SUGCT: variants seen among roughly 807,000 people sequenced by gnomAD.
The protein encoded by SUGCT is succinyl-CoA:glutarate-CoA transferase, also known as succinyl-CoA:glutarate CoA-transferase.
Under a neutral mutation model 55.0 loss-of-function variants are expected in SUGCT, and 41 were observed. The observed-to-expected ratio is 0.74, with a 90% CI of 0.58 to 0.97. The LOEUF is 0.97. SUGCT is among the 50% of genes least tolerant of loss of function. The probability of loss-of-function intolerance (pLI) is 0.00; values close to 1 mark genes in which losing one functional copy is unlikely to be tolerated. For missense variants in SUGCT, 568 were observed against 547.8 expected (o/e 1.04, Z -0.37); for synonymous variants, 187 against 200.4 (o/e 0.93, Z 0.56).
intron 8 of SUGCT, among the ~76,000 whole-genome samples, chr7:40,285,087 GA>G (rs1793231920): frequency 6.6e-6 from 1 of 151,956 alleles, no homozygotes; most frequent in African/African-American, 2.4e-5. Context: ...TATCCCAAAG[GA>G]AAAAAGAATA....
At chr7:40,806,035 A>G (rs2128753347) in intron 13 of SUGCT, among the ~76,000 whole-genome samples, 1 of 152,326 alleles carries the variant, frequency 6.6e-6, no homozygotes, top group South Asian at 2.1e-4. Flanking sequence ...ATACTTTCAA[A>G]TCCTCAAATA....
the SUGCT span, among the ~76,000 whole-genome samples, chr7:40,903,241 T>C: frequency 2.0e-5 from 3 of 152,264 alleles, no homozygotes; most frequent in Admixed American, 2.0e-4. Context: ...TGAAGGGCTG[T>C]GCAGCTGGAC....
intron 12 of SUGCT, among the ~76,000 whole-genome samples, chr7:40,498,460 C>T (rs1414525108): frequency 6.6e-6 from 1 of 152,180 alleles, no homozygotes; most frequent in Non-Finnish European, 1.5e-5. Context: ...CCTCTGCAGT[C>T]CCCCCTCCCC....
rs1266226235 is a variant in SUGCT, at chr7:40,550,523, G to A, written c.1089+54137G>A. Reference sequence around the variant, plus strand: ...ACTGTTTATGCCTGCTTGGGTAGAGGAGAGCAACCACACATTGAAGCATTT... The same window carrying A: ...ACTGTTTATGCCTGCTTGGGTAGAGAAGAGCAACCACACATTGAAGCATTT... On this transcript the variant is annotated intron_variant, in intron 12 of 13. Coordinates refer to ENST00000335693, the MANE Select transcript of SUGCT (RefSeq NM_001193313.2). 3.3e-5 allele frequency among the ~76,000 whole-genome samples: 5 copies of A among 152,158 alleles called. No individual in the cohort carries two copies. The East Asian group carries it at 9.7e-4, about 29-fold the overall frequency.
intron 9 of SUGCT, among the ~76,000 whole-genome samples, chr7:40,333,574 T>C: frequency 7.7e-6 from 1 of 129,428 alleles, no homozygotes. Context: ...GAGGTGGAGG[T>C]TGTAGTGAGC....
intron 3 of SUGCT, among the ~76,000 whole-genome samples, chr7:40,182,272 T>C (rs1785254467): frequency 6.6e-6 from 1 of 152,144 alleles, no homozygotes; most frequent in Admixed American, 6.6e-5. Flanking sequence ...TGAAGGCTTT[T>C]GTTAGAAGCT....
chr7:40,395,135 G>T (rs1199919105), intron 9 of SUGCT, among the ~76,000 whole-genome samples: 2 of 152,076 alleles, frequency 1.3e-5, no homozygotes, highest in Non-Finnish European at 2.9e-5. Flanking sequence ...CTGGATCCTT[G>T]CTGCTACCCA....
At chr7:40,376,283 G>A (rs997630538) in intron 9 of SUGCT, among the ~76,000 whole-genome samples, 5 of 151,766 alleles carry the variant, frequency 3.3e-5, no homozygotes, top group African/African-American at 1.2e-4. Flanking sequence ...TAGCATTAAT[G>A]TATTTATCTT....
chr7:40,447,836 G>A (rs1223811565), intron 9 of SUGCT, among the ~76,000 whole-genome samples: 1 of 152,078 alleles, frequency 6.6e-6, no homozygotes, highest in African/African-American at 2.4e-5. Context: ...GAAAAAGTAG[G>A]TGGAGATACA....
intron 8 of SUGCT, 70 bp from the exon 9 acceptor site, chr7:40,316,690 A>G: frequency 2.0e-6 from 2 of 1,008,474 alleles, no homozygotes; most frequent in South Asian, 3.2e-5. Flanking sequence ...CTTTCATAAT[A>G]TAACGTTCTC....
chr7:40,632,279 C>T (rs1799823666), intron 12 of SUGCT, among the ~76,000 whole-genome samples: 1 of 151,870 alleles, frequency 6.6e-6, no homozygotes, highest in Non-Finnish European at 1.5e-5. Flanking sequence ...AGCTGCTGGC[C>T]TTTTGCTGGA....
At chr7:40,327,155 T>G (rs1224505520) in intron 9 of SUGCT, among the ~76,000 whole-genome samples, 1 of 152,240 alleles carries the variant, frequency 6.6e-6, no homozygotes, top group Non-Finnish European at 1.5e-5. Context: ...CCCCAGCCCC[T>G]TTAGTTCTAA....
the SUGCT span, among the ~76,000 whole-genome samples, chr7:40,929,078 C>T: frequency 6.6e-6 from 1 of 151,970 alleles, no homozygotes; most frequent in South Asian, 2.1e-4. Context: ...TGCTATCCTT[C>T]CCCCAGCCCG....
At chr7:40,439,971 G>A (rs1350003905) in intron 9 of SUGCT, among the ~76,000 whole-genome samples, 1 of 151,900 alleles carries the variant, frequency 6.6e-6, no homozygotes, top group Admixed American at 6.6e-5. Flanking sequence ...CTCATCTTAC[G>A]CTCTGAGTAC....
chr7:40,272,658 ATTATTATTT>A (rs971016882), intron 7 of SUGCT, among the ~76,000 whole-genome samples: 2 of 144,870 alleles, frequency 1.4e-5, no homozygotes, highest in Non-Finnish European at 3.0e-5. Flanking sequence ...TATTATTATT[ATTATTATTT>A]TTTTTTTTTT....
intron 1 of SUGCT, among the ~76,000 whole-genome samples, chr7:40,158,656 A>G (rs1357489231): frequency 6.6e-6 from 1 of 152,164 alleles, no homozygotes; most frequent in African/African-American, 2.4e-5. Context: ...AGGCTGAGAC[A>G]GGAGAATTGC....
the SUGCT span, among the ~76,000 whole-genome samples, chr7:40,955,965 A>G: frequency 6.6e-6 from 1 of 152,136 alleles, no homozygotes; most frequent in Admixed American, 6.5e-5. Context: ...GCCTTGTATC[A>G]CAGGGATGAA....
At chr7:40,752,392 G>A (rs1788060671) in intron 13 of SUGCT, among the ~76,000 whole-genome samples, 1 of 152,078 alleles carries the variant, frequency 6.6e-6, no homozygotes, top group African/African-American at 2.4e-5. Flanking sequence ...GTCTCACTCT[G>A]TCGCCCAGGC....
chr7:40,924,625 A>C, the SUGCT span, among the ~76,000 whole-genome samples: 1 of 152,208 alleles, frequency 6.6e-6, no homozygotes, highest in Non-Finnish European at 1.5e-5. Context: ...ATCAGTCATC[A>C]GCATGGATCC....
Sources: allele counts gnomAD v4.1 joint callset (sites outside exome capture counted in the v4.1 genomes callset), GRCh38; gene constraint gnomAD v4.1.1; transcripts MANE v1.5; gene names NCBI Gene and HGNC (gene_info 2026-07-23, HGNC 2026-07-21).